The following NLN variants were observed in gnomAD, a reference collection of about 807,000 sequenced individuals.
The protein encoded by NLN is neurolysin, mitochondrial.
In NLN, 64 loss-of-function variants were observed where a neutral mutation model predicts 79.9. The observed-to-expected ratio is 0.80, with a 90% CI of 0.65 to 0.99. NLN has a LOEUF of 0.99. NLN is among the 50% of genes least tolerant of loss of function. The pLI is 0.00. For missense variants in NLN, 835 were observed against 858.7 expected, an observed-to-expected ratio of 0.97 and a Z score of 0.34; for synonymous variants, 267 against 296.6, an observed-to-expected ratio of 0.90 and a Z score of 1.02.
Position 65,785,815 on chromosome 5 carries a change from C to G in NLN, c.863C>G (p.Thr288Ser), listed in dbSNP as rs753754152. 6.2e-7 allele frequency: 1 copy of G among 1,613,832 alleles called. No individual in the cohort carries two copies. Among genetic ancestry groups the G allele is most frequent in the South Asian group, 1.1e-5 (1 of 91,080 alleles). Residue 288 changes from threonine (T) to serine (S), a missense_variant, in exon 7 of 13, where the codon ACC (threonine) becomes AGC (serine). Physicochemically the swap from Thr to Ser is moderately conservative, Grantham distance 58. Coordinates refer to ENST00000380985, the MANE Select transcript of NLN (RefSeq NM_020726.5). ...IILQQLLPLR[T>S]KVAKLLGYST... ...TTGCAGCAGCTACTCCCACTGCGAA[C>G]CAAGGTGGCCAAACTACTCGGTTAT...
At chr5:65,742,925 G>A (rs1341662265) in intron 1 of NLN, among the ~76,000 whole-genome samples, 1 of 152,126 alleles carries the variant, frequency 6.6e-6, no homozygotes, top group Non-Finnish European at 1.5e-5. Flanking sequence ...ACTGAACTTA[G>A]TGGTCATTTT....
At chr5:65,822,670 G>A (rs908037149) in intron 12 of NLN, 111 bp from the exon 13 acceptor site, 69 of 769,410 alleles carry the variant, frequency 9.0e-5, no homozygotes, top group Non-Finnish European at 1.5e-4. Context: ...TCTAGACAGA[G>A]TAAGGCTAAA....
chr5:65,743,840 G>T (rs2561227), intron 1 of NLN, among the ~76,000 whole-genome samples: 34,637 of 151,874 alleles, frequency 0.23, 4,039 homozygotes, highest in Non-Finnish European at 0.24. Flanking sequence ...CACAAATCTG[G>T]TCTAACCTAT....
intron 1 of NLN, chr5:65,733,310 G>C (rs1758653320): frequency 1.3e-6 from 2 of 1,514,014 alleles, no homozygotes; most frequent in Admixed American, 3.4e-5. Context: ...AGGACTGTCA[G>C]ATCCAGGACT....
rs143723614 is a variant in NLN, at chr5:65,812,215, G to A, written c.1844-40G>A. The A allele has an allele frequency of 7.5e-6, 12 of 1,591,118 alleles. No homozygotes were observed. The East Asian group carries it at 8.9e-5, about 12-fold the overall frequency. On this transcript the variant is annotated intron_variant, in intron 11 of 12. Transcript: ENST00000380985. ...GCTAGCTGTTAACCTGATCATTAAC[G>A]TTTGCTATCACATTGATTGAAATGT...
chr5:65,774,500 G>T (rs1323801210), intron 3 of NLN, among the ~76,000 whole-genome samples: 2 of 152,078 alleles, frequency 1.3e-5, no homozygotes, highest in African/African-American at 2.4e-5. Context: ...CCTGGAGATT[G>T]TAAGAGAATA....
intron 1 of NLN, among the ~76,000 whole-genome samples, chr5:65,731,443 G>A (rs1454923354): frequency 1.3e-5 from 2 of 152,092 alleles, no homozygotes; most frequent in African/African-American, 2.4e-5. Flanking sequence ...ATAAAATCTC[G>A]AGAAATATTA....
chr5:65,722,240 G>A lies in NLN; in HGVS notation c.-134G>A, dbSNP rs1240175486. The A allele has an allele frequency of 6.8e-4, 351 of 516,094 alleles. 1 individual carries two copies. The highest frequency in any genetic ancestry group is 9.2e-5 in the Non-Finnish European group (29 of 316,614). The allele number at this position is 516,094 out of a possible 1,614,324, so 32.0% of individuals were successfully genotyped here. A position where few individuals can be genotyped will look rare whatever the true frequency, so the allele number is the denominator to read the frequency against. ...GTGGAGCTGCCGCACGTGGGAGGGC[G>A]CTGGCCAGGCAGCCACTGTGGCCTC... On this transcript the variant is annotated 5_prime_UTR_variant, in exon 1 of 13. Transcript: ENST00000380985.
intron 1 of NLN, among the ~76,000 whole-genome samples, chr5:65,756,251 A>G (rs1486385097): frequency 2.6e-5 from 4 of 152,058 alleles, no homozygotes; most frequent in African/African-American, 4.8e-5. Context: ...TTACCACTTA[A>G]TATTAATTCC....
Position 65,809,954 on chromosome 5 carries a change from T to G in NLN, c.1715-83T>G, listed in dbSNP as rs959185516. The G allele has an allele frequency of 2.7e-6, 4 of 1,479,594 alleles. No homozygotes were observed. The East Asian group carries it at 6.8e-5, about 25-fold the overall frequency. The allele number at this position is 1,479,594 out of a possible 1,614,324, so 91.7% of individuals were successfully genotyped here. A position where few individuals can be genotyped will look rare whatever the true frequency, so the allele number is the denominator to read the frequency against. On this transcript the variant is annotated intron_variant, in intron 10 of 12. Transcript: ENST00000380985. ...ATTTTGTGAGTACTACTGGAATCTGTTTTTGGAATCTACAATCTTGTGATA... is the reference window on the plus strand; with the variant it reads ...ATTTTGTGAGTACTACTGGAATCTGGTTTTGGAATCTACAATCTTGTGATA...
rs1034207840 is a variant in NLN, at chr5:65,827,387, C to A, written c.*4472C>A. 4 of 152,150 alleles carry A rather than the reference C, an allele frequency of 2.6e-5. No individual in the cohort carries two copies. The highest frequency in any genetic ancestry group is 4.4e-5 in the Non-Finnish European group (3 of 68,024). The allele number at this position is 152,150 out of a possible 1,614,324, so 9.4% of individuals were successfully genotyped here. A position where few individuals can be genotyped will look rare whatever the true frequency, so the allele number is the denominator to read the frequency against. On this transcript the variant is annotated 3_prime_UTR_variant, in exon 13 of 13. Transcript: ENST00000380985. ...CTGTACTAGCTGCATATTTCATAGA[C>A]CCCAGAGGCTCACCTCAATTGTACT...
rs148135392 is a variant in NLN at position 65,812,222 on chromosome 5, A to G, written c.1844-33A>G. ...GTTAACCTGATCATTAACGTTTGCT[A>G]TCACATTGATTGAAATGTATCTTTT... On this transcript the variant is annotated intron_variant, in intron 11 of 12. Coordinates refer to ENST00000380985, the MANE Select transcript of NLN (RefSeq NM_020726.5). The G allele has an allele frequency of 1.7e-4, 275 of 1,603,008 alleles. 1 individual carries two copies. The East Asian group carries it at 5.6e-3, about 33-fold the overall frequency.
rs931738208 is a variant in NLN, at chr5:65,747,470, A to G, written c.42-11097A>G. Among the ~76,000 whole-genome samples the G allele has an allele frequency of 2.0e-5, 3 of 152,328 alleles. No homozygotes were observed. In the South Asian group the frequency reaches 6.2e-4, roughly 32 times the overall value. On this transcript the variant is annotated intron_variant, in intron 1 of 12. Transcript: ENST00000380985. ...CTGAGCAGAGGTTTTTAAGATTGAT[A>G]TAGCAGAAGGACTGGAAGTTGGGGT...
At chr5:65,787,195 T>C (rs993726046) in intron 7 of NLN, among the ~76,000 whole-genome samples, 1 of 152,148 alleles carries the variant, frequency 6.6e-6, no homozygotes, top group African/African-American at 2.4e-5. Context: ...GAGTCCAGCC[T>C]GGGCAACATA....
chr5:65,781,763 A>G (rs1759805006), intron 6 of NLN, among the ~76,000 whole-genome samples: 1 of 152,240 alleles, frequency 6.6e-6, no homozygotes, highest in Non-Finnish European at 1.5e-5. Flanking sequence ...TCATCTAGCC[A>G]GTTCTACCGT....
At chr5:65,805,098 T>C (rs534380820) in intron 9 of NLN, among the ~76,000 whole-genome samples, 7 of 152,208 alleles carry the variant, frequency 4.6e-5, no homozygotes, top group Non-Finnish European at 1.0e-4. Context: ...CAAATCATGC[T>C]CTTTATAAGA....
chr5:65,791,859 G>C (rs1760068605), intron 8 of NLN, among the ~76,000 whole-genome samples: 1 of 152,158 alleles, frequency 6.6e-6, no homozygotes, highest in Non-Finnish European at 1.5e-5. Flanking sequence ...AGACCACACA[G>C]ATACGACACT....
chr5:65,818,161 G>A (rs1400241189), intron 12 of NLN, among the ~76,000 whole-genome samples: 1 of 152,046 alleles, frequency 6.6e-6, no homozygotes. Context: ...TCTTCCTTTG[G>A]GCTCTTACAG....
rs921897118 is a variant in NLN at position 65,784,643 on chromosome 5, A to G, written c.823-1132A>G. Reference sequence around the variant, plus strand: ...TTCCCAAAAGGCCCTGCCATTTAACACTACCTCAAAAGGGATTATGTTTCA... The same window carrying G: ...TTCCCAAAAGGCCCTGCCATTTAACGCTACCTCAAAAGGGATTATGTTTCA... On this transcript the variant is annotated intron_variant, in intron 6 of 12. Coordinates refer to ENST00000380985, the MANE Select transcript of NLN (RefSeq NM_020726.5). 2.0e-5 allele frequency among the ~76,000 whole-genome samples: 3 copies of G among 152,340 alleles called. No individual in the cohort carries two copies. In the South Asian group the frequency reaches 6.2e-4, roughly 32 times the overall value.
Sources: allele counts gnomAD v4.1 joint callset (sites outside exome capture counted in the v4.1 genomes callset), GRCh38; gene constraint gnomAD v4.1.1; transcripts MANE v1.5; gene names NCBI Gene and HGNC (gene_info 2026-07-23, HGNC 2026-07-21).